The following NRXN3 variants were observed in gnomAD, a reference collection of about 807,000 sequenced individuals.
The protein encoded by NRXN3 is neurexin 3.
Under a neutral mutation model 137.6 loss-of-function variants are expected in NRXN3, and 32 were observed. The ratio of observed to expected loss-of-function variants is 0.23; its 90% CI spans 0.18 to 0.31. The LOEUF (loss-of-function observed/expected upper bound fraction) is 0.31, where lower values mean the gene tolerates loss of function less well. NRXN3 is among the 10% of genes least tolerant of loss of function. NRXN3 has a pLI of 1.00. For missense variants in NRXN3, 1,574 were observed against 2,062.5 expected (o/e 0.76, Z 4.59); for synonymous variants, 798 against 784.5 (o/e 1.02, Z -0.29).
At chr14:78,592,137 G>A (rs1039238135) in intron 4 of NRXN3, among the ~76,000 whole-genome samples, 1 of 152,164 alleles carries the variant, frequency 6.6e-6, no homozygotes, top group Non-Finnish European at 1.5e-5. Context: ...TTAAAAGACT[G>A]AAAATAAATC....
At chr14:79,278,332 A>G (rs934484549) in intron 15 of NRXN3, among the ~76,000 whole-genome samples, 3 of 152,148 alleles carry the variant, frequency 2.0e-5, no homozygotes, top group Admixed American at 6.5e-5. Flanking sequence ...CTTCCTGCGC[A>G]TGAGACATAC....
chr14:79,475,851 G>C (rs1248951656), intron 16 of NRXN3, among the ~76,000 whole-genome samples: 4 of 152,122 alleles, frequency 2.6e-5, no homozygotes, highest in Non-Finnish European at 4.4e-5. Flanking sequence ...AAAGACAGCT[G>C]GGTGGCACAT....
At chr14:78,745,516 T>G (rs1245094880) in intron 8 of NRXN3, among the ~76,000 whole-genome samples, 3 of 152,242 alleles carry the variant, frequency 2.0e-5, no homozygotes, top group Non-Finnish European at 4.4e-5. Context: ...CATCTTTCTC[T>G]GCATTGAGCC....
At chr14:78,206,656 C>A (rs753071603) in intron 1 of NRXN3, among the ~76,000 whole-genome samples, 14 of 152,140 alleles carry the variant, frequency 9.2e-5, no homozygotes, top group Non-Finnish European at 1.5e-4. Context: ...CACTCCTTCC[C>A]TGGAGTTACT....
intron 4 of NRXN3, among the ~76,000 whole-genome samples, chr14:78,410,620 G>A (rs1245071556): frequency 6.6e-6 from 1 of 152,152 alleles, no homozygotes; most frequent in Non-Finnish European, 1.5e-5. Context: ...GTGGGTGGGA[G>A]GAGCTGATGT....
intron 17 of NRXN3, among the ~76,000 whole-genome samples, chr14:79,678,170 A>T (rs1251027029): frequency 6.6e-6 from 1 of 152,046 alleles, no homozygotes; most frequent in Non-Finnish European, 1.5e-5. Context: ...CCCTGCAGCT[A>T]CTTAGAATAG....
intron 15 of NRXN3, among the ~76,000 whole-genome samples, chr14:79,009,522 C>T (rs1242016142): frequency 6.6e-6 from 1 of 152,092 alleles, no homozygotes; most frequent in Non-Finnish European, 1.5e-5. Context: ...TCCTTTTCCT[C>T]AAGTCTATAG....
At position 78,243,057 on chromosome 14, in the gene NRXN3, CCTGTCTGCTCCTCCGGGCT is replaced by C. The variant is rs1567057186; in HGVS notation, c.-31_-13del. On this transcript the variant is annotated 5_prime_UTR_variant, in exon 2 of 21. Coordinates refer to ENST00000335750, the MANE Select transcript of NRXN3 (RefSeq NM_001330195.2). The surrounding 1 kb of genome is among the most constrained non-coding windows in gnomAD (Gnocchi z 4.2). ...AGATCCTCTCCGGGCTGTTCCCTGG[CCTGTCTGCTCCTCCGGGCT>C]CTGTCCCAGCAGCGACAATGAGCTC... The C allele has an allele frequency of 2.1e-6, 3 of 1,433,044 alleles. No individual in the cohort carries two copies. The highest frequency in any genetic ancestry group is 1.9e-6 in the Non-Finnish European group (2 of 1,079,936). 88.8% of individuals were successfully genotyped at this position (1,433,044 alleles called of 1,614,324 possible).
intron 19 of NRXN3, among the ~76,000 whole-genome samples, chr14:79,717,065 G>A (rs1441126369): frequency 6.6e-6 from 1 of 152,056 alleles, no homozygotes; most frequent in Non-Finnish European, 1.5e-5. Context: ...TTCCTTTTTA[G>A]CAGGTTCTCC....
intron 15 of NRXN3, among the ~76,000 whole-genome samples, chr14:79,052,543 G>A (rs1285501145): frequency 6.6e-6 from 1 of 152,168 alleles, no homozygotes; most frequent in African/African-American, 2.4e-5. Flanking sequence ...ACAAAGCTTG[G>A]CCTGAGCCTC....
chr14:79,183,112 C>G (rs1043044591), intron 15 of NRXN3, among the ~76,000 whole-genome samples: 1 of 152,136 alleles, frequency 6.6e-6, no homozygotes, highest in Non-Finnish European at 1.5e-5. Context: ...TTATTTTGCT[C>G]TTGATCTACT....
chr14:78,516,374 G>T (rs1432169278), intron 4 of NRXN3, among the ~76,000 whole-genome samples: 1 of 79,278 alleles, frequency 1.3e-5, no homozygotes, highest in Non-Finnish European at 3.1e-5. Flanking sequence ...AGGAATTGGG[G>T]CTAGGCTGAG....
At chr14:78,713,408 T>C (rs1205346834) in intron 7 of NRXN3, among the ~76,000 whole-genome samples, 2 of 152,180 alleles carry the variant, frequency 1.3e-5, no homozygotes, top group Non-Finnish European at 2.9e-5. Flanking sequence ...GCTGAATCCT[T>C]CTCAACATTC....
intron 4 of NRXN3, among the ~76,000 whole-genome samples, chr14:78,330,533 A>G (rs978762865): frequency 3.3e-5 from 5 of 152,162 alleles, no homozygotes; most frequent in African/African-American, 1.2e-4. Context: ...ACTCCATCAT[A>G]TTACATTAAT....
At chr14:78,510,045 T>C (rs947513351) in intron 4 of NRXN3, among the ~76,000 whole-genome samples, 1 of 64,706 alleles carries the variant, frequency 1.5e-5, no homozygotes, top group African/African-American at 4.1e-5. Context: ...AAATTTTATA[T>C]ATATATATAT....
intron 15 of NRXN3, among the ~76,000 whole-genome samples, chr14:79,234,302 A>ATATATAT (rs2072840430): frequency 1.0e-4 from 2 of 19,290 alleles, no homozygotes; most frequent in Non-Finnish European, 2.4e-4. Context: ...AAATATATAT[A>ATATATAT]TATATATATA....
intron 15 of NRXN3, among the ~76,000 whole-genome samples, chr14:79,196,933 A>C (rs1172695403): frequency 6.6e-6 from 1 of 152,114 alleles, no homozygotes; most frequent in Non-Finnish European, 1.5e-5. Context: ...GCAGCTTGAG[A>C]CTGGCTAAAT....
intron 15 of NRXN3, among the ~76,000 whole-genome samples, chr14:79,372,684 G>A (rs1329136281): frequency 2.0e-4 from 31 of 152,074 alleles, no homozygotes; most frequent in Admixed American, 2.0e-3. Context: ...CAAGGTGCAT[G>A]TGTGAATGTG....
intron 15 of NRXN3, among the ~76,000 whole-genome samples, chr14:79,088,153 C>G (rs2048483469): frequency 6.7e-6 from 1 of 150,078 alleles, no homozygotes; most frequent in East Asian, 1.9e-4. Context: ...CTACTTCTGC[C>G]AAATCTGTTG....
Sources: allele counts gnomAD v4.1 joint callset (sites outside exome capture counted in the v4.1 genomes callset), GRCh38; gene constraint gnomAD v4.1.1; non-coding constraint Gnocchi (gnomAD v3.1); transcripts MANE v1.5; gene names NCBI Gene and HGNC (gene_info 2026-07-23, HGNC 2026-07-21).